TCF12: variants seen among roughly 807,000 people sequenced by gnomAD.
TCF12 encodes DNA-binding protein HTF4.
TCF12 carries 45 observed loss-of-function variants against 86.0 expected under a neutral mutation model. The observed-to-expected ratio is 0.52, with a 90% CI of 0.41 to 0.67. The LOEUF is 0.67. Among genes scored for constraint, TCF12 ranks in the 30% least tolerant of loss-of-function variants. The pLI is 0.00. For missense variants in TCF12, 881 were observed against 859.9 expected (o/e 1.02, Z -0.31); for synonymous variants, 330 against 299.6 (o/e 1.10, Z -1.05).
rs149290116 is a variant in TCF12 at position 57,207,666 on chromosome 15, A to C, written c.579+9841A>C. 1.6e-3 allele frequency among the ~76,000 whole-genome samples: 251 copies of C among 152,228 alleles called. 2 individuals carry two copies. Among genetic ancestry groups the C allele is most frequent in the African/African-American group, 5.6e-3 (232 of 41,532 alleles). On this transcript the variant is annotated intron_variant, in intron 8 of 20. Coordinates refer to ENST00000333725, the MANE Select transcript of TCF12 (RefSeq NM_207037.2). ...CACTCCAGCCTGGGCAACAAAAGTA[A>C]AACTCCGTCTCAAAAAACAACAACA...
intron 5 of TCF12, among the ~76,000 whole-genome samples, chr15:57,102,076 T>A (rs547557924): frequency 1.2e-3 from 177 of 150,048 alleles, no homozygotes; most frequent in Middle Eastern, 3.4e-3. Context: ...GTTTATGAAG[T>A]AGGCCATAAA....
At position 57,248,214 on chromosome 15, in the gene TCF12, G is replaced by A. The variant is rs573367598; in HGVS notation, c.1115-3136G>A. 3.6e-4 allele frequency: 234 copies of A among 642,602 alleles called. 2 individuals carry two copies. Among genetic ancestry groups the A allele is most frequent in the African/African-American group, 3.6e-3 (200 of 54,966 alleles). 39.8% of individuals were successfully genotyped at this position (642,602 alleles called of 1,614,324 possible). A position where few individuals can be genotyped will look rare whatever the true frequency, so the allele number is the denominator to read the frequency against. The stretch of plus-strand genomic sequence containing the variant: ...CTGGGCCTAATGCAGTTGCTTGCAA[G>A]AGAAATGGTGCCACCATGTTTATCT... On this transcript the variant is annotated intron_variant, in intron 13 of 20. Coordinates refer to ENST00000333725, the MANE Select transcript of TCF12 (RefSeq NM_207037.2).
chr15:57,180,959 C>T (rs1297573960), intron 6 of TCF12, among the ~76,000 whole-genome samples: 4 of 151,594 alleles, frequency 2.6e-5, no homozygotes, highest in Non-Finnish European at 4.4e-5. Flanking sequence ...GGACTACAGG[C>T]ACCCGCCACC....
intron 12 of TCF12, among the ~76,000 whole-genome samples, chr15:57,241,868 C>T (rs1377146042): frequency 2.0e-5 from 3 of 152,054 alleles, no homozygotes; most frequent in African/African-American, 7.2e-5. Flanking sequence ...TGGCACGCGG[C>T]TGTAGTGCTA....
chr15:56,937,407 A>C (rs1409277162), intron 3 of TCF12, among the ~76,000 whole-genome samples: 1 of 149,364 alleles, frequency 6.7e-6, no homozygotes, highest in East Asian at 2.0e-4. Flanking sequence ...CCTCGGTTGG[A>C]GTGTAGTGGC....
At chr15:57,205,332 A>G (rs762956847) in intron 8 of TCF12, among the ~76,000 whole-genome samples, 45 of 152,132 alleles carry the variant, frequency 3.0e-4, no homozygotes, top group Non-Finnish European at 5.9e-4. Context: ...ACAAACAATT[A>G]TCCAAGGCCC....
At chr15:57,179,706 T>C (rs779449044) in intron 6 of TCF12, among the ~76,000 whole-genome samples, 1 of 152,154 alleles carries the variant, frequency 6.6e-6, no homozygotes, top group Non-Finnish European at 1.5e-5. Context: ...AGTGTAAAAG[T>C]TGGCTAGTGG....
At chr15:56,961,668 G>C (rs1742312232) in intron 3 of TCF12, among the ~76,000 whole-genome samples, 1 of 152,288 alleles carries the variant, frequency 6.6e-6, no homozygotes, top group South Asian at 2.1e-4. Context: ...TTAGTGGGTT[G>C]AGAAAACACT....
intron 5 of TCF12, among the ~76,000 whole-genome samples, chr15:57,112,232 G>A (rs1419660327): frequency 6.6e-5 from 10 of 152,124 alleles, no homozygotes; most frequent in South Asian, 6.2e-4. Flanking sequence ...TCCTCCAGGC[G>A]GGAATAGCCC....
chr15:57,249,651 T>C (rs1364084425), intron 13 of TCF12, among the ~76,000 whole-genome samples: 1 of 152,178 alleles, frequency 6.6e-6, no homozygotes, highest in African/African-American at 2.4e-5. Flanking sequence ...CTAATTTACC[T>C]CAAGTTTTTC....
At chr15:57,245,112 C>T (rs1354183327) in intron 13 of TCF12, among the ~76,000 whole-genome samples, 1 of 152,208 alleles carries the variant, frequency 6.6e-6, no homozygotes, top group Admixed American at 6.5e-5. Flanking sequence ...TTAGTTAAGT[C>T]CATGCAGTTT....
intron 4 of TCF12, among the ~76,000 whole-genome samples, chr15:57,087,608 C>A (rs1398192306): frequency 6.6e-6 from 1 of 151,812 alleles, no homozygotes; most frequent in Non-Finnish European, 1.5e-5. Context: ...AATATCAAAG[C>A]TTTTATGAAG....
chr15:57,243,561 G>A lies in TCF12; in HGVS notation c.1114+11G>A, dbSNP rs749462987. 2 of 1,608,096 alleles carry A rather than the reference G, an allele frequency of 1.2e-6. No homozygotes were observed. Among genetic ancestry groups the A allele is most frequent in the Admixed American group, 1.7e-5 (1 of 59,912 alleles). On this transcript the variant is annotated intron_variant, in intron 13 of 20. Coordinates refer to ENST00000333725, the MANE Select transcript of TCF12 (RefSeq NM_207037.2). ...CTTCACCTCTCACAGGTAGGCTTCT[G>A]TTTTATCTACTTCTAACTGGTGGGA...
chr15:56,962,000 C>T (rs958590096), intron 3 of TCF12, among the ~76,000 whole-genome samples: 14 of 151,610 alleles, frequency 9.2e-5, no homozygotes, highest in Admixed American at 3.9e-4. Flanking sequence ...GGCGTGGTGG[C>T]GGGCGCCTGT....
At chr15:56,942,868 G>C (rs571267356) in intron 3 of TCF12, among the ~76,000 whole-genome samples, 13 of 152,176 alleles carry the variant, frequency 8.5e-5, no homozygotes, top group Middle Eastern at 3.4e-3. Context: ...ATATCTATTT[G>C]CAGTGGCTTT....
chr15:57,192,369 C>A, intron 7 of TCF12, 76 bp downstream of exon 7: 1 of 1,495,982 alleles, frequency 6.7e-7, no homozygotes, highest in South Asian at 1.3e-5. Flanking sequence ...GTACTTCTGG[C>A]TATGCTTTTT....
At chr15:57,124,747 G>A (rs1366588579) in intron 5 of TCF12, among the ~76,000 whole-genome samples, 3 of 151,464 alleles carry the variant, frequency 2.0e-5, no homozygotes, top group Non-Finnish European at 4.4e-5. Flanking sequence ...ACGCGATCTC[G>A]GCTCACTGCA....
chr15:57,038,630 G>A (rs1188406936), intron 3 of TCF12, among the ~76,000 whole-genome samples: 1 of 151,910 alleles, frequency 6.6e-6, no homozygotes, highest in Non-Finnish European at 1.5e-5. Flanking sequence ...ATTTAATTAG[G>A]AGAGGATAAT....
chr15:57,037,567 C>A (rs183407006), intron 3 of TCF12, among the ~76,000 whole-genome samples: 9 of 152,264 alleles, frequency 5.9e-5, no homozygotes, highest in African/African-American at 2.2e-4. Flanking sequence ...TCTGGGTTGT[C>A]CTCTTGTATT....
Sources: gnomAD v4.1 joint callset for allele counts (sites outside exome capture counted in the v4.1 genomes callset) on GRCh38, gnomAD v4.1.1 for gene constraint, MANE v1.5 for transcripts, NCBI Gene and HGNC (gene_info 2026-07-23, HGNC 2026-07-21) for gene names.